Variants in ANK2 observed in about 807,000 individuals in gnomAD.
ANK2 encodes the protein ankyrin 2.
ANK2 carries 83 observed loss-of-function variants against 360.5 expected under a neutral mutation model. The observed-to-expected ratio is 0.23, with a 90% confidence interval of 0.19 to 0.28. The LOEUF (loss-of-function observed/expected upper bound fraction) is 0.28. ANK2 is among the 10% of genes least tolerant of loss of function. The pLI, the probability that ANK2 is intolerant of heterozygous loss-of-function variation, is 1.00. For synonymous variants in ANK2, 1,740 were observed against 1,759.5 expected, an observed-to-expected ratio of 0.99 and a Z score of 0.28; for missense variants, 4,201 against 4,795.7, an observed-to-expected ratio of 0.88 and a Z score of 3.66.
intron 35 of ANK2, among the ~76,000 whole-genome samples, 198 bp downstream of exon 35, chr4:113,346,220 T>C (rs1265389816): frequency 6.6e-6 from 1 of 152,236 alleles, no homozygotes; most frequent in African/African-American, 2.4e-5. Flanking sequence ...CGATTTCCAC[T>C]TAAGAAAAAA....
intron 2 of ANK2, among the ~76,000 whole-genome samples, chr4:112,927,584 GAA>G (rs1209110839): frequency 1.3e-5 from 2 of 152,082 alleles, no homozygotes; most frequent in African/African-American, 4.8e-5. Context: ...CTAAAAAACA[GAA>G]AAAATTGGTA....
At chr4:112,965,007 G>T (rs1460751756) in intron 2 of ANK2, among the ~76,000 whole-genome samples, 1 of 152,166 alleles carries the variant, frequency 6.6e-6, no homozygotes, top group Non-Finnish European at 1.5e-5. Flanking sequence ...TTCTTTGGGG[G>T]TATATACCCA....
chr4:112,748,244 T>C, the ANK2 span, among the ~76,000 whole-genome samples: 1 of 152,198 alleles, frequency 6.6e-6, no homozygotes, highest in Non-Finnish European at 1.5e-5. Context: ...ATGCTTACCA[T>C]GTAATAATGG....
At chr4:113,014,212 C>G (rs895707054) in intron 2 of ANK2, among the ~76,000 whole-genome samples, 2 of 151,960 alleles carry the variant, frequency 1.3e-5, no homozygotes, top group Admixed American at 6.6e-5. Context: ...TTTGAAGGTT[C>G]CCTAGGATGG....
At chr4:112,856,025 T>G (rs182499055) in intron 1 of ANK2, among the ~76,000 whole-genome samples, 201 of 152,302 alleles carry the variant, frequency 1.3e-3, no homozygotes, top group African/African-American at 4.6e-3. Flanking sequence ...ATCTCTGGAC[T>G]TCTGTTTGGC....
intron 2 of ANK2, among the ~76,000 whole-genome samples, chr4:112,929,076 C>T (rs1016942596): frequency 6.6e-6 from 1 of 152,150 alleles, no homozygotes; most frequent in Non-Finnish European, 1.5e-5. Flanking sequence ...TGGTCTCGAA[C>T]TCCCAACCTC....
chr4:112,749,809 G>C, the ANK2 span, among the ~76,000 whole-genome samples: 1 of 151,566 alleles, frequency 6.6e-6, no homozygotes, highest in Non-Finnish European at 1.5e-5. Context: ...GCAGTGGCGC[G>C]ATCTTGGCTC....
intron 2 of ANK2, among the ~76,000 whole-genome samples, chr4:112,917,502 A>G (rs2090234781): frequency 6.6e-6 from 1 of 152,264 alleles, no homozygotes; most frequent in African/African-American, 2.4e-5. Flanking sequence ...AGTGGAGCTC[A>G]GTTCATGAGG....
At chr4:113,374,546 AATTAAG>A (rs963461067) in intron 45 of ANK2, among the ~76,000 whole-genome samples, 2 of 152,228 alleles carry the variant, frequency 1.3e-5, no homozygotes, top group African/African-American at 4.8e-5. Context: ...TCAAATGACT[AATTAAG>A]ATTGCTTTGG....
Position 113,355,284 on chromosome 4 carries a change from C to A in ANK2, c.6666C>A (p.Thr2222=), listed in dbSNP as rs773101190. 1.2e-5 allele frequency: 19 copies of A among 1,613,812 alleles called. No homozygotes were observed. The highest frequency in any genetic ancestry group is 1.6e-5 in the Non-Finnish European group (19 of 1,179,942). Residue 2222 remains threonine, a synonymous_variant, in exon 38 of 46, where the codon ACC becomes ACA. Transcript: ENST00000357077. ...GSPCGSLMEG[T]PQISSEESYK... is the part of the protein sequence containing the mutation. ...CGTGTGGCAGCCTGATGGAGGGGAC[C>A]CCTCAGATTAGTTCAGAAGAAAGCT...
At chr4:112,712,643 A>G in the ANK2 span, among the ~76,000 whole-genome samples, 10 of 147,082 alleles carry the variant, frequency 6.8e-5, no homozygotes, top group South Asian at 4.3e-4. Context: ...TTCTGACCTC[A>G]TGATCCGCCC....
intron 1 of ANK2, among the ~76,000 whole-genome samples, chr4:113,166,835 T>G (rs930173656): frequency 6.6e-6 from 1 of 152,176 alleles, no homozygotes; most frequent in African/African-American, 2.4e-5. Flanking sequence ...AGTAAACATG[T>G]TGAAGAACAG....
chr4:113,266,466 T>C (rs1316498411), intron 14 of ANK2, among the ~76,000 whole-genome samples: 2 of 152,360 alleles, frequency 1.3e-5, no homozygotes, highest in Middle Eastern at 3.4e-3. Context: ...TTTGGGTATA[T>C]ACCCAGTAAT....
chr4:113,366,734 T>C (rs776867404), intron 41 of ANK2, among the ~76,000 whole-genome samples: 1 of 152,236 alleles, frequency 6.6e-6, no homozygotes, highest in Non-Finnish European at 1.5e-5. Flanking sequence ...CTGACAAGTC[T>C]ATTTAAAATA....
At chr4:112,707,272 AT>A in the ANK2 span, among the ~76,000 whole-genome samples, 1 of 152,212 alleles carries the variant, frequency 6.6e-6, no homozygotes, top group Non-Finnish European at 1.5e-5. Flanking sequence ...AGTAAAATTG[AT>A]TGATGCCTAA....
intron 4 of ANK2, among the ~76,000 whole-genome samples, chr4:113,204,019 A>G (rs1232568005): frequency 6.6e-6 from 1 of 152,184 alleles, no homozygotes; most frequent in Non-Finnish European, 1.5e-5. Flanking sequence ...AAAATGAAGG[A>G]TATTCTGCTG....
intron 3 of ANK2, 97 bp from the exon 4 acceptor site, chr4:113,198,914 G>C: frequency 1.0e-6 from 1 of 990,850 alleles, no homozygotes; most frequent in Non-Finnish European, 1.6e-6. Context: ...ATTTTAATCG[G>C]TTAAAGTGAT....
chr4:112,861,098 G>A (rs1171576128), intron 1 of ANK2, among the ~76,000 whole-genome samples: 1 of 152,198 alleles, frequency 6.6e-6, no homozygotes, highest in Non-Finnish European at 1.5e-5. Flanking sequence ...TATGCAGGAG[G>A]AGCCCAGGAG....
At chr4:113,068,633 T>G (rs535364309) in intron 1 of ANK2, among the ~76,000 whole-genome samples, 1 of 152,328 alleles carries the variant, frequency 6.6e-6, no homozygotes, top group African/African-American at 2.4e-5. Context: ...CATGATTGTA[T>G]GTTTGCATTA....
Sources: allele counts gnomAD v4.1 joint callset (sites outside exome capture counted in the v4.1 genomes callset), GRCh38; gene constraint gnomAD v4.1.1; transcripts MANE v1.5; gene names NCBI Gene and HGNC (gene_info 2026-07-23, HGNC 2026-07-21).